Variants in FAM227B observed in about 807,000 individuals in gnomAD.
The protein encoded by FAM227B is family with sequence similarity 227 member B.
FAM227B carries 88 observed loss-of-function variants against 73.8 expected under a neutral mutation model. The ratio of observed to expected loss-of-function variants is 1.19; its 90% CI spans 1.00 to 1.42. The LOEUF (loss-of-function observed/expected upper bound fraction) is 1.42, where lower values mean the gene tolerates loss of function less well. Among genes scored for constraint, FAM227B ranks in the 40% most tolerant of loss-of-function variants. FAM227B has a pLI of 0.00. For missense variants in FAM227B, 632 were observed against 590.9 expected (o/e 1.07, Z -0.72); for synonymous variants, 210 against 190.5 (o/e 1.10, Z -0.84).
At chr15:49,462,759 T>C (rs2053920954) in intron 11 of FAM227B, among the ~76,000 whole-genome samples, 3 of 152,224 alleles carry the variant, frequency 2.0e-5, no homozygotes, top group Non-Finnish European at 4.4e-5. Context: ...TAAGATATGA[T>C]ATATCAGATT....
intron 10 of FAM227B, among the ~76,000 whole-genome samples, chr15:49,523,199 ACAAAAAGC>A (rs2059911181): frequency 6.6e-6 from 1 of 152,026 alleles, no homozygotes; most frequent in African/African-American, 2.4e-5. Flanking sequence ...CTTAAAGAAA[ACAAAAAGC>A]CAGCTGATAT....
intron 10 of FAM227B, among the ~76,000 whole-genome samples, chr15:49,531,749 G>A (rs781556686): frequency 7.2e-5 from 11 of 151,906 alleles, no homozygotes; most frequent in African/African-American, 2.4e-4. Flanking sequence ...CTGAGAGAAC[G>A]TGCAACCCTG....
At chr15:49,431,041 A>T (rs1319548270) in intron 11 of FAM227B, among the ~76,000 whole-genome samples, 5 of 151,862 alleles carry the variant, frequency 3.3e-5, no homozygotes, top group South Asian at 2.1e-4. Context: ...TGGTAGCACA[A>T]TAACTTCTCT....
At chr15:49,366,423 C>T (rs1596595699) in intron 13 of FAM227B, 1 of 875,062 alleles carries the variant, frequency 1.1e-6, no homozygotes, top group Non-Finnish European at 2.0e-6. Flanking sequence ...TGCACCACAA[C>T]TGCTTTGTTC....
intron 11 of FAM227B, among the ~76,000 whole-genome samples, chr15:49,501,847 G>A (rs946649171): frequency 6.6e-6 from 1 of 152,200 alleles, no homozygotes; most frequent in Non-Finnish European, 1.5e-5. Flanking sequence ...GGTTTTATGG[G>A]TCAGGCCCAG....
chr15:49,361,026 G>A lies in FAM227B; in HGVS notation c.1271+6422C>T, dbSNP rs537711952. ...CAATAGAAATATTACCTGTGGGGTT[G>A]CGGAATAGGGAGGTTTTGGTTAAAG... On this transcript the variant is annotated intron_variant, in intron 13 of 15. Coordinates refer to ENST00000299338, the MANE Select transcript of FAM227B (RefSeq NM_152647.3). Among the ~76,000 whole-genome samples the A allele has an allele frequency of 1.1e-3, 174 of 152,180 alleles. 1 individual carries two copies. Among genetic ancestry groups the A allele is most frequent in the Non-Finnish European group, 1.6e-3 (111 of 68,006 alleles).
intron 13 of FAM227B, among the ~76,000 whole-genome samples, chr15:49,348,682 A>G (rs1343546955): frequency 1.3e-5 from 2 of 152,280 alleles, no homozygotes; most frequent in Admixed American, 6.5e-5. Flanking sequence ...AGGTTGGGTG[A>G]ACACAAAATT....
intron 11 of FAM227B, among the ~76,000 whole-genome samples, chr15:49,457,278 C>T (rs62012204): frequency 0.037 from 5,659 of 151,860 alleles, 195 homozygotes; most frequent in South Asian, 0.13. Context: ...GCGGTAACAA[C>T]GGTGTTAGTA....
rs1273518632 is a variant in FAM227B at position 49,378,991 on chromosome 15, G to A, written c.1013-7592C>T. ...TCCTGCTATTCCCAGTTTTTTGAGG[G>A]TTTTTATCTTGAAGGGATGTTAAAC... On this transcript the variant is annotated intron_variant, in intron 11 of 15. Transcript: ENST00000299338. 3.3e-5 allele frequency among the ~76,000 whole-genome samples: 5 copies of A among 152,008 alleles called. 1 individual carries two copies. The highest frequency in any genetic ancestry group is 4.2e-4 in the South Asian group (2 of 4,812).
At position 49,328,519 on chromosome 15, in the gene FAM227B, C is replaced by T; in HGVS notation, c.*49G>A. On this transcript the variant is annotated 3_prime_UTR_variant, in exon 16 of 16. Coordinates refer to ENST00000299338, the MANE Select transcript of FAM227B (RefSeq NM_152647.3). ...TATATTGTTACAATTAAACTGATAC[C>T]ACTGAATTGTATGCATTATTCTTGA... 1.9e-6 allele frequency: 3 copies of T among 1,599,874 alleles called. No homozygotes were observed. Among genetic ancestry groups the T allele is most frequent in the Non-Finnish European group, 2.6e-6 (3 of 1,171,254 alleles).
chr15:49,469,543 C>A (rs1336269797), intron 11 of FAM227B, among the ~76,000 whole-genome samples: 1 of 152,006 alleles, frequency 6.6e-6, no homozygotes, highest in Admixed American at 6.6e-5. Flanking sequence ...TTTCTGTAGT[C>A]AAGGCCAAAA....
At chr15:49,375,589 GT>G (rs746790153) in intron 11 of FAM227B, among the ~76,000 whole-genome samples, 2 of 152,066 alleles carry the variant, frequency 1.3e-5, no homozygotes, top group Non-Finnish European at 2.9e-5. Flanking sequence ...CATTACATAT[GT>G]TTTATAAAAG....
chr15:49,383,264 C>T (rs930411094), intron 11 of FAM227B, among the ~76,000 whole-genome samples: 1 of 152,094 alleles, frequency 6.6e-6, no homozygotes, highest in Admixed American at 6.6e-5. Context: ...TATTGTACTT[C>T]ACAGATATTG....
intron 13 of FAM227B, among the ~76,000 whole-genome samples, chr15:49,339,467 A>C (rs1228816130): frequency 6.6e-6 from 1 of 152,138 alleles, no homozygotes; most frequent in Non-Finnish European, 1.5e-5. Flanking sequence ...CACAACAGTA[A>C]AGATTGCTGC....
At chr15:49,378,636 ATT>A (rs1388905076) in intron 11 of FAM227B, among the ~76,000 whole-genome samples, 2 of 151,892 alleles carry the variant, frequency 1.3e-5, no homozygotes, top group African/African-American at 4.8e-5. Context: ...TGTGCTACTG[ATT>A]TTTGTTTGTT....
chr15:49,482,290 T>C (rs1237909290), intron 11 of FAM227B, among the ~76,000 whole-genome samples: 1 of 152,090 alleles, frequency 6.6e-6, no homozygotes, highest in African/African-American at 2.4e-5. Flanking sequence ...GGAAGATATA[T>C]ATAATAAAGG....
intron 9 of FAM227B, among the ~76,000 whole-genome samples, chr15:49,549,812 C>T (rs1314185845): frequency 6.6e-6 from 1 of 152,230 alleles, no homozygotes; most frequent in Non-Finnish European, 1.5e-5. Flanking sequence ...GTCATCATGG[C>T]CCGCTCTCAA....
intron 14 of FAM227B, 88 bp downstream of exon 14, chr15:49,335,331 A>G (rs2039521360): frequency 1.6e-5 from 13 of 821,320 alleles, no homozygotes; most frequent in Non-Finnish European, 2.6e-5. Context: ...CTCATCATTA[A>G]GGAACTTAGT....
intron 9 of FAM227B, among the ~76,000 whole-genome samples, chr15:49,544,664 C>T (rs2152282274): frequency 6.6e-6 from 1 of 152,116 alleles, no homozygotes; most frequent in Admixed American, 6.5e-5. Flanking sequence ...GCTTTATTAC[C>T]CTGAGGTATG....
Sources: allele counts gnomAD v4.1 joint callset (sites outside exome capture counted in the v4.1 genomes callset), GRCh38; gene constraint gnomAD v4.1.1; transcripts MANE v1.5; gene names NCBI Gene and HGNC (gene_info 2026-07-23, HGNC 2026-07-21).